SLC43A2: variants seen among roughly 807,000 people sequenced by gnomAD.
SLC43A2 encodes solute carrier family 43 member 2, also known as large neutral amino acids transporter small subunit 4.
SLC43A2 carries 38 observed loss-of-function variants against 63.2 expected under a neutral mutation model. The observed-to-expected ratio is 0.60, with a 90% CI of 0.46 to 0.79. SLC43A2 has a LOEUF of 0.79. SLC43A2 is among the 30% of genes least tolerant of loss of function. The pLI is 0.00. For missense variants in SLC43A2, 644 were observed against 756.2 expected (o/e 0.85, Z 1.74); for synonymous variants, 322 against 331.0 (o/e 0.97, Z 0.30).
chr17:1,575,401 G>A lies in SLC43A2; in HGVS notation c.*203C>T, dbSNP rs570348030. 3.9e-5 allele frequency: 26 copies of A among 665,444 alleles called. No individual in the cohort carries two copies. The highest frequency in any genetic ancestry group is 3.5e-4 in the African/African-American group (19 of 54,470). 41.2% of individuals were successfully genotyped at this position (665,444 alleles called of 1,614,324 possible). ...AGAGCAAAGTCAGGGCAGCCCCTGC[G>A]TTCGGCAGGAGAAAACGCGCGTGTC... On this transcript the variant is annotated 3_prime_UTR_variant, in exon 14 of 14. Coordinates refer to ENST00000301335, the MANE Select transcript of SLC43A2 (RefSeq NM_152346.3).
chr17:1,629,587 T>C (rs1202807170), upstream of SLC43A2, among the ~76,000 whole-genome samples: 1 of 151,962 alleles, frequency 6.6e-6, no homozygotes, highest in African/African-American at 2.4e-5. Context: ...TCTCCTGAGC[T>C]CCCCCCATCA....
chr17:1,583,751 T>C lies in SLC43A2; in HGVS notation c.1218-415A>G. On this transcript the variant is annotated intron_variant, in intron 10 of 13. Transcript: ENST00000301335. The surrounding 1 kb of genome is among the most constrained non-coding windows in gnomAD (Gnocchi z 5.5). ...AAGCCAAATAGGGGAGTGAATGGGT[T>C]TCCCCTTGTGGGGACAGGAGAGGGT... The C allele has an allele frequency of 5.4e-6, 1 of 186,812 alleles. No homozygotes were observed. Among genetic ancestry groups the C allele is most frequent in the Non-Finnish European group, 1.1e-5 (1 of 87,572 alleles). The allele number at this position is 186,812 out of a possible 1,614,324, so 11.6% of individuals were successfully genotyped here.
intron 3 of SLC43A2, among the ~76,000 whole-genome samples, chr17:1,615,459 G>C (rs1907507109): frequency 6.6e-6 from 1 of 151,498 alleles, no homozygotes; most frequent in Admixed American, 6.6e-5. Flanking sequence ...ATTAAGAATG[G>C]CATAGGGGGC....
intron 5 of SLC43A2, among the ~76,000 whole-genome samples, chr17:1,600,160 T>A (rs1213362531): frequency 2.6e-4 from 17 of 65,556 alleles, no homozygotes; most frequent in South Asian, 1.4e-3. Context: ...ATATTTTTTT[T>A]TTTTTTTTGA....
chr17:1,581,180 G>GA (rs987967823), intron 11 of SLC43A2, among the ~76,000 whole-genome samples: 2 of 118,772 alleles, frequency 1.7e-5, no homozygotes, highest in Non-Finnish European at 3.6e-5. Context: ...TGGCAGTGTT[G>GA]AAAGAGGGCT....
intron 5 of SLC43A2, among the ~76,000 whole-genome samples, chr17:1,594,366 A>C (rs1268364554): frequency 2.0e-5 from 3 of 152,114 alleles, no homozygotes; most frequent in Non-Finnish European, 2.9e-5. Context: ...GGCAAACTAC[A>C]TCCTCCCAAA....
chr17:1,614,119 C>G (rs954898431), intron 4 of SLC43A2, among the ~76,000 whole-genome samples: 4 of 152,002 alleles, frequency 2.6e-5, no homozygotes, highest in Non-Finnish European at 5.9e-5. Context: ...GGCGGGTGCC[C>G]GTGGTCCCAA....
At chr17:1,581,202 C>CCACACACACACACACACA (rs376885169) in intron 11 of SLC43A2, among the ~76,000 whole-genome samples, 10,341 of 148,322 alleles carry the variant, frequency 0.07, 433 homozygotes, top group South Asian at 0.1. Context: ...TGCCCAGTGC[C>CCACACACACACACACACA]CACACACACA....
chr17:1,615,138 T>G, intron 3 of SLC43A2, 104 bp from the exon 4 acceptor site: 4 of 1,359,646 alleles, frequency 2.9e-6, no homozygotes, highest in Non-Finnish European at 4.1e-6. Context: ...GACAGAGCCT[T>G]GCTCTGTCAC....
chr17:1,620,528 G>T (rs187360942), intron 2 of SLC43A2, among the ~76,000 whole-genome samples: 1 of 152,230 alleles, frequency 6.6e-6, no homozygotes, highest in African/African-American at 2.4e-5. Context: ...GACCTTGCAC[G>T]TAGGCCAACA....
At chr17:1,599,075 G>A (rs1043009641) in intron 5 of SLC43A2, among the ~76,000 whole-genome samples, 1 of 152,214 alleles carries the variant, frequency 6.6e-6, no homozygotes, top group Non-Finnish European at 1.5e-5. Context: ...TGGGCTGGGC[G>A]CGGTGGCTCA....
upstream of SLC43A2, among the ~76,000 whole-genome samples, chr17:1,629,882 CG>C (rs1442188514): frequency 6.6e-6 from 1 of 152,244 alleles, no homozygotes; most frequent in Non-Finnish European, 1.5e-5. Context: ...TAACCCGACC[CG>C]GGAAGACCCT....
intron 4 of SLC43A2, 117 bp downstream of exon 4, chr17:1,614,862 T>C (rs1907448792): frequency 9.6e-7 from 1 of 1,040,300 alleles, no homozygotes; most frequent in Non-Finnish European, 1.5e-6. Context: ...GTGTCCCCTC[T>C]AACTTGAGCA....
Position 1,616,608 on chromosome 17 carries a change from TA to T in SLC43A2, c.321del (p.Ile108SerfsTer25), listed in dbSNP as rs1907690539. 6.2e-7 allele frequency: 1 copy of T among 1,614,012 alleles called. No homozygotes were observed. The highest frequency in any genetic ancestry group is 8.5e-7 in the Non-Finnish European group (1 of 1,179,984). ...CTCGGGCCATACTTGTCCATGACGA[TA>T]CCCAGGGGCAGGGTGATGGCACTGA... Reference protein sequence around the residue: ...FLLSAITLPLGIVMDKYGPRK... With the variant: ...FLLSAITLPLXIVMDKYGPRK... On this transcript the variant is annotated frameshift_variant, in exon 3 of 14. Transcript: ENST00000301335. LOFTEE classifies it high-confidence loss of function.
At chr17:1,600,152 A>ATATATATATATATATATTTTTTTT (rs1216616243) in intron 5 of SLC43A2, among the ~76,000 whole-genome samples, 2 of 60,272 alleles carry the variant, frequency 3.3e-5, no homozygotes, top group Non-Finnish European at 6.4e-5. Flanking sequence ...ATATATATAT[A>ATATATATATATATATATTTTTTTT]TTTTTTTTTT....
chr17:1,597,373 C>T (rs1598461915), intron 5 of SLC43A2, among the ~76,000 whole-genome samples: 1 of 147,276 alleles, frequency 6.8e-6, no homozygotes, highest in South Asian at 2.2e-4. Context: ...GGCATGGTGA[C>T]GTGCACCTGT....
At chr17:1,619,227 G>A (rs71359109) in intron 2 of SLC43A2, among the ~76,000 whole-genome samples, 13 of 150,562 alleles carry the variant, frequency 8.6e-5, no homozygotes, top group African/African-American at 2.4e-4. Context: ...GCTTGAAGCC[G>A]GGAGGCGGAG....
chr17:1,575,899 G>T, intron 13 of SLC43A2, 134 bp from the exon 14 acceptor site: 1 of 1,017,724 alleles, frequency 9.8e-7, no homozygotes, highest in Non-Finnish European at 1.4e-6. Context: ...AGGCCCACGA[G>T]GTCCCATATG....
intron 10 of SLC43A2, among the ~76,000 whole-genome samples, chr17:1,584,715 A>C: frequency 6.6e-6 from 1 of 151,568 alleles, no homozygotes; most frequent in East Asian, 2.0e-4. Flanking sequence ...AGATACTTGG[A>C]AGCCTGAGGC....
Sources: gnomAD v4.1 joint callset for allele counts (sites outside exome capture counted in the v4.1 genomes callset) on GRCh38, gnomAD v4.1.1 for gene constraint, Gnocchi (gnomAD v3.1) non-coding constraint, MANE v1.5 for transcripts, NCBI Gene and HGNC (gene_info 2026-07-23, HGNC 2026-07-21) for gene names.